The following MBNL1 variants were observed in gnomAD, a reference collection of about 807,000 sequenced individuals.
The protein encoded by MBNL1 is muscleblind-like protein 1.
In MBNL1, 8 loss-of-function variants were observed where a neutral mutation model predicts 42.2. The observed-to-expected ratio is 0.19, with a 90% CI of 0.11 to 0.34. MBNL1 has a LOEUF of 0.34. MBNL1 is among the 10% of genes least tolerant of loss of function. The pLI, the probability that MBNL1 is intolerant of heterozygous loss-of-function variation, is 1.00. For missense variants in MBNL1, 309 were observed against 495.3 expected, an observed-to-expected ratio of 0.62 and a Z score of 3.57; for synonymous variants, 169 against 173.9, an observed-to-expected ratio of 0.97 and a Z score of 0.22.
chr3:152,250,502 G>A (rs1481665034), intron 2 of MBNL1, among the ~76,000 whole-genome samples: 2 of 152,142 alleles, frequency 1.3e-5, no homozygotes, highest in Non-Finnish European at 2.9e-5. Context: ...TTGCTTATCA[G>A]CTTAAGGAGA....
At chr3:152,443,761 C>G (rs1370955673) in intron 4 of MBNL1, among the ~76,000 whole-genome samples, 1 of 152,000 alleles carries the variant, frequency 6.6e-6, no homozygotes, top group Non-Finnish European at 1.5e-5. Flanking sequence ...AAACCAGAAT[C>G]TTGAATAACT....
intron 8 of MBNL1, among the ~76,000 whole-genome samples, chr3:152,456,807 C>G (rs1734671413): frequency 6.6e-6 from 1 of 152,074 alleles, no homozygotes; most frequent in Non-Finnish European, 1.5e-5. Context: ...CCACAAATGA[C>G]CACTCTTGTA....
intron 2 of MBNL1, among the ~76,000 whole-genome samples, chr3:152,344,960 C>T (rs11705990): frequency 8.5e-5 from 13 of 152,084 alleles, no homozygotes; most frequent in South Asian, 2.1e-4. Flanking sequence ...GTAGAAATTA[C>T]GTGACATTAA....
At chr3:152,293,757 A>G (rs532299031) in intron 1 of MBNL1, among the ~76,000 whole-genome samples, 1 of 152,214 alleles carries the variant, frequency 6.6e-6, no homozygotes, top group African/African-American at 2.4e-5. Context: ...ACTCTGGGAT[A>G]TAACTGGACT....
At chr3:152,347,036 G>A (rs1464000601) in intron 2 of MBNL1, among the ~76,000 whole-genome samples, 1 of 151,910 alleles carries the variant, frequency 6.6e-6, no homozygotes, top group Non-Finnish European at 1.5e-5. Flanking sequence ...TTAAAAATAA[G>A]AATAAATTAT....
At chr3:152,302,069 T>G (rs555629282) in intron 2 of MBNL1, 1 of 152,232 alleles carries the variant, frequency 6.6e-6, no homozygotes, top group South Asian at 2.1e-4. Context: ...CAAAATATTT[T>G]TTTTTAGTTG....
At chr3:152,460,659 G>C (rs1374173085) in intron 9 of MBNL1, among the ~76,000 whole-genome samples, 1 of 151,450 alleles carries the variant, frequency 6.6e-6, no homozygotes, top group Non-Finnish European at 1.5e-5. Flanking sequence ...ACTTAAAAAG[G>C]TGTCCATTTT....
chr3:152,264,020 C>T (rs1489503017), upstream of MBNL1: 2 of 152,234 alleles, frequency 1.3e-5, no homozygotes, highest in African/African-American at 4.8e-5. Flanking sequence ...ACCTTGCCTG[C>T]ATATGACCAG....
At chr3:152,319,160 A>T (rs929622237) in intron 2 of MBNL1, among the ~76,000 whole-genome samples, 6 of 152,008 alleles carry the variant, frequency 3.9e-5, no homozygotes, top group African/African-American at 1.2e-4. Context: ...TTCACGGAAA[A>T]CCTTTTTTTG....
chr3:152,365,633 A>G (rs953127044), intron 2 of MBNL1, among the ~76,000 whole-genome samples: 1 of 152,128 alleles, frequency 6.6e-6, no homozygotes, highest in African/African-American at 2.4e-5. Flanking sequence ...GGAATTGGGA[A>G]ACCCTTGCTT....
chr3:152,340,791 G>C, intron 2 of MBNL1: 1 of 1,613,994 alleles, frequency 6.2e-7, no homozygotes, highest in Admixed American at 1.7e-5. Flanking sequence ...CAGCAGAAGG[G>C]GACTGGACAG....
chr3:152,407,209 CTTTTTTTTTT>C (rs60509782), intron 2 of MBNL1, among the ~76,000 whole-genome samples: 6 of 54,362 alleles, frequency 1.1e-4, no homozygotes, highest in Admixed American at 7.2e-4. Flanking sequence ...GAAATATGTT[CTTTTTTTTTT>C]TTTTTTTTTT....
intron 2 of MBNL1, among the ~76,000 whole-genome samples, chr3:152,245,114 A>G (rs914890511): frequency 4.6e-5 from 7 of 152,164 alleles, no homozygotes; most frequent in Non-Finnish European, 2.9e-5. Flanking sequence ...GAATGAAAAC[A>G]AAGTAAGACA....
intron 2 of MBNL1, among the ~76,000 whole-genome samples, chr3:152,311,575 GTTTAT>G (rs1405348273): frequency 1.3e-5 from 2 of 151,634 alleles, no homozygotes; most frequent in East Asian, 1.9e-4. Context: ...AATTTCAGTA[GTTTAT>G]TTTAATTTTT....
intron 3 of MBNL1, among the ~76,000 whole-genome samples, chr3:152,431,052 G>C (rs2099000361): frequency 6.6e-6 from 1 of 152,188 alleles, no homozygotes; most frequent in African/African-American, 2.4e-5. Context: ...TAGTAAAAAT[G>C]TATAGCTAAA....
At chr3:152,281,595 C>T (rs1327874228) in intron 1 of MBNL1, among the ~76,000 whole-genome samples, 1 of 152,106 alleles carries the variant, frequency 6.6e-6, no homozygotes, top group African/African-American at 2.4e-5. Context: ...CCAAGATCAG[C>T]AAAATCTACT....
At chr3:152,327,260 A>G (rs1373523720) in intron 2 of MBNL1, among the ~76,000 whole-genome samples, 1 of 151,984 alleles carries the variant, frequency 6.6e-6, no homozygotes, top group East Asian at 1.9e-4. Flanking sequence ...TTTACTCAGA[A>G]GATATTTATT....
intron 2 of MBNL1, among the ~76,000 whole-genome samples, chr3:152,407,619 AT>A (rs1335797762): frequency 3.3e-5 from 5 of 152,198 alleles, no homozygotes; most frequent in Non-Finnish European, 7.4e-5. Flanking sequence ...CAATTATGTA[AT>A]AAAAAAATCC....
chr3:152,268,892 G>C (rs761535448), upstream of MBNL1: 1 of 454,878 alleles, frequency 2.2e-6, no homozygotes, highest in Non-Finnish European at 4.4e-6. Flanking sequence ...GCGGAAGCCA[G>C]ACCTCGGCGA....
Sources: allele counts gnomAD v4.1 joint callset (sites outside exome capture counted in the v4.1 genomes callset), GRCh38; gene constraint gnomAD v4.1.1; transcripts MANE v1.5; gene names NCBI Gene and HGNC (gene_info 2026-07-23, HGNC 2026-07-21).